GTF2H3: variants seen among roughly 807,000 people sequenced by gnomAD.
GTF2H3 encodes TFIIH basal transcription factor complex p34 subunit.
Under a neutral mutation model 51.1 loss-of-function variants are expected in GTF2H3, and 42 were observed. The observed-to-expected ratio is 0.82, with a 90% CI of 0.64 to 1.06. GTF2H3 has a LOEUF of 1.06. GTF2H3 is among the 50% of genes least tolerant of loss of function. The pLI is 0.00. For missense variants in GTF2H3, 326 were observed against 366.1 expected (o/e 0.89, Z 0.89); for synonymous variants, 123 against 123.8 (o/e 0.99, Z 0.04).
At chr12:123,635,060 C>T (rs1419056657) in intron 1 of GTF2H3, among the ~76,000 whole-genome samples, 4 of 152,156 alleles carry the variant, frequency 2.6e-5, no homozygotes, top group Admixed American at 6.5e-5. Flanking sequence ...CATACCACAA[C>T]CCTGTGAGGG....
At chr12:123,635,167 T>C (rs533262654) in intron 1 of GTF2H3, among the ~76,000 whole-genome samples, 18 of 152,328 alleles carry the variant, frequency 1.2e-4, no homozygotes, top group African/African-American at 4.1e-4. Flanking sequence ...ACACCTTTCT[T>C]TACAGGCAAC....
At chr12:123,646,065 C>T (rs773691078) in intron 3 of GTF2H3, among the ~76,000 whole-genome samples, 7 of 152,146 alleles carry the variant, frequency 4.6e-5, no homozygotes, top group African/African-American at 7.2e-5. Context: ...AAACAGTGGT[C>T]GCTTCTAACA....
intron 8 of GTF2H3, 129 bp downstream of exon 8, chr12:123,655,127 T>C: frequency 1.4e-6 from 1 of 708,958 alleles, no homozygotes. Context: ...CCAGAATCTG[T>C]ATTATGTTCT....
chr12:123,644,682 T>C (rs1955423316), intron 2 of GTF2H3, among the ~76,000 whole-genome samples: 1 of 152,090 alleles, frequency 6.6e-6, no homozygotes, highest in Non-Finnish European at 1.5e-5. Flanking sequence ...AAAAAAAGTT[T>C]TTAATTCATT....
At chr12:123,635,177 C>A (rs954131983) in intron 1 of GTF2H3, among the ~76,000 whole-genome samples, 1 of 152,178 alleles carries the variant, frequency 6.6e-6, no homozygotes. Context: ...TTACAGGCAA[C>A]GCTTTTTCTG....
intron 4 of GTF2H3, chr12:123,650,039 G>C (rs905273305): frequency 6.6e-6 from 1 of 152,142 alleles, no homozygotes; most frequent in Non-Finnish European, 1.5e-5. Flanking sequence ...CCTATAGCTG[G>C]TTCCAGAATC....
intron 3 of GTF2H3, among the ~76,000 whole-genome samples, chr12:123,647,630 C>T (rs898454733): frequency 6.6e-6 from 1 of 152,118 alleles, no homozygotes; most frequent in East Asian, 1.9e-4. Flanking sequence ...AAGGAAGGCA[C>T]GGGCACCCCT....
chr12:123,657,146 T>C (rs547130342), intron 9 of GTF2H3, among the ~76,000 whole-genome samples: 145 of 151,816 alleles, frequency 9.6e-4, no homozygotes, highest in Admixed American at 3.1e-3. Flanking sequence ...AATACAAGAT[T>C]GGTGCAAAAG....
intron 2 of GTF2H3, among the ~76,000 whole-genome samples, chr12:123,641,210 A>G (rs7302177): frequency 0.14 from 20,885 of 151,628 alleles, 2,888 homozygotes; most frequent in African/African-American, 0.36. Context: ...GAAATGAAGT[A>G]TTGTTGTTGA....
At chr12:123,654,886 A>G in intron 7 of GTF2H3, 38 bp from the exon 8 acceptor site, 2 of 1,412,136 alleles carry the variant, frequency 1.4e-6, no homozygotes, top group Non-Finnish European at 1.0e-6. Flanking sequence ...GAGGACTGGC[A>G]TGTGCCTGGG....
Position 123,654,983 on chromosome 12 carries a change from T to C in GTF2H3, c.546T>C (p.Phe182=). The C allele has an allele frequency of 6.2e-7, 1 of 1,612,284 alleles. No homozygotes were observed. The highest frequency in any genetic ancestry group is 1.1e-5 in the South Asian group (1 of 91,058). Residue 182 remains phenylalanine, a synonymous_variant, in exon 8 of 13, where the codon TTT becomes TTC. Transcript: ENST00000543341. The part of the protein sequence containing the change: ...LQYMNFMNVI[F]AAQKQNILID... ...ATATGAACTTCATGAATGTCATCTT[T>C]GCAGCACAGAAACAGGTGAACTGAG...
rs1955658953 is a variant in GTF2H3, at chr12:123,661,640, C to CAAAAAAACAAAA, written c.*1412_*1413insCAAAAAAAAAAA. 1 of 132,886 alleles carries CAAAAAAACAAAA rather than the reference C, an allele frequency of 7.5e-6. No homozygotes were observed. Among genetic ancestry groups the CAAAAAAACAAAA allele is most frequent in the African/African-American group, 3.2e-5 (1 of 31,614 alleles). 8.2% of individuals were successfully genotyped at this position (132,886 alleles called of 1,614,324 possible). ...TGGGTGACAGAGCGAGACTCTGTATCAAAAAAAAAAAAGATCGGGCACGTT... is the reference window on the plus strand; with the variant it reads ...TGGGTGACAGAGCGAGACTCTGTATCAAAAAAACAAAAAAAAAAAAAAAAGATCGGGCACGTT... On this transcript the variant is annotated 3_prime_UTR_variant, in exon 13 of 13. Coordinates refer to ENST00000543341, the MANE Select transcript of GTF2H3 (RefSeq NM_001516.5).
intron 7 of GTF2H3, 98 bp downstream of exon 7, chr12:123,652,833 T>A: frequency 6.0e-6 from 7 of 1,166,682 alleles, no homozygotes; most frequent in Non-Finnish European, 8.1e-6. Context: ...ATCCCAGCAC[T>A]TTGGGAGGCC....
chr12:123,638,857 G>A lies in GTF2H3; in HGVS notation c.14-407G>A, dbSNP rs543701331. 9.1e-4 allele frequency among the ~76,000 whole-genome samples: 135 copies of A among 148,208 alleles called. 1 individual carries two copies. Among genetic ancestry groups the A allele is most frequent in the African/African-American group, 3.2e-3 (126 of 39,872 alleles). On this transcript the variant is annotated intron_variant, in intron 1 of 12. Transcript: ENST00000543341. Reference sequence around the variant, plus strand: ...GTGGCCCAGGCTGGAGTGCAGTGGCGTGATCTCGGCTCACTGCAAGCTCCG... The same window carrying A: ...GTGGCCCAGGCTGGAGTGCAGTGGCATGATCTCGGCTCACTGCAAGCTCCG...
chr12:123,659,357 ACT>A (rs1955624915), intron 9 of GTF2H3, 157 bp from the exon 10 acceptor site: 9 of 651,518 alleles, frequency 1.4e-5, no homozygotes, highest in African/African-American at 5.4e-5. Flanking sequence ...ACAGAGCAAG[ACT>A]CTGTCAAAAT....
intron 1 of GTF2H3, among the ~76,000 whole-genome samples, chr12:123,636,645 T>C (rs893867405): frequency 1.4e-4 from 21 of 152,076 alleles, no homozygotes; most frequent in Admixed American, 1.2e-3. Flanking sequence ...TGGCTGGGTG[T>C]GGTGGCTCAT....
intron 9 of GTF2H3, among the ~76,000 whole-genome samples, chr12:123,656,380 A>C (rs1955587445): frequency 6.6e-6 from 1 of 152,224 alleles, no homozygotes; most frequent in South Asian, 2.1e-4. Flanking sequence ...TTTCAGTAGT[A>C]AAAATTCAAA....
intron 9 of GTF2H3, among the ~76,000 whole-genome samples, chr12:123,657,090 A>AT (rs1287157274): frequency 6.6e-6 from 1 of 152,154 alleles, no homozygotes; most frequent in Non-Finnish European, 1.5e-5. Flanking sequence ...AGAAAAAAAA[A>AT]TGTGAAAGTT....
intron 2 of GTF2H3, among the ~76,000 whole-genome samples, chr12:123,641,923 G>T (rs112368000): frequency 6.6e-6 from 1 of 151,850 alleles, no homozygotes; most frequent in East Asian, 1.9e-4. Flanking sequence ...GCACGATCTC[G>T]GCTCCCTGCA....
Sources: gnomAD v4.1 joint callset for allele counts (sites outside exome capture counted in the v4.1 genomes callset) on GRCh38, gnomAD v4.1.1 for gene constraint, MANE v1.5 for transcripts, NCBI Gene and HGNC (gene_info 2026-07-23, HGNC 2026-07-21) for gene names.